The following EPB41L4B variants were observed in gnomAD, a reference collection of about 807,000 sequenced individuals.
The protein encoded by EPB41L4B is band 4.1-like protein 4B.
Under a neutral mutation model 112.5 loss-of-function variants are expected in EPB41L4B, and 30 were observed. The observed-to-expected ratio is 0.27, with a 90% CI of 0.20 to 0.36. The LOEUF (loss-of-function observed/expected upper bound fraction) is 0.36, where lower values mean the gene tolerates loss of function less well. Ranked by LOEUF, EPB41L4B falls within the 10% of genes least tolerant of loss-of-function variation. EPB41L4B has a pLI of 1.00. For missense variants in EPB41L4B, 1,024 were observed against 1,133.3 expected, an observed-to-expected ratio of 0.90 and a Z score of 1.38; for synonymous variants, 408 against 439.7, an observed-to-expected ratio of 0.93 and a Z score of 0.90.
intron 1 of EPB41L4B, among the ~76,000 whole-genome samples, chr9:109,314,977 C>T (rs1417543570): frequency 6.6e-6 from 1 of 152,166 alleles, no homozygotes; most frequent in Non-Finnish European, 1.5e-5. Context: ...ACACACTCAC[C>T]CAACTCCACC....
intron 22 of EPB41L4B, among the ~76,000 whole-genome samples, chr9:109,189,704 C>G (rs1832395211): frequency 6.6e-6 from 1 of 152,168 alleles, no homozygotes; most frequent in Admixed American, 6.5e-5. Context: ...TCTCGGCTCA[C>G]TGCAACCTCT....
In EPB41L4B at chr9:109,320,488, G is replaced by GC; in HGVS notation, c.-43dup. ...CCCTGCCTCCGCCCCCTGCGCTGCC[G>GC]CTGCCGCTGCCGCTGCCGCTGCGCC... is the stretch of plus-strand genomic sequence containing the variant. On this transcript the variant is annotated 5_prime_UTR_variant, in exon 1 of 26. Transcript: ENST00000374566. 2.6e-6 allele frequency: 2 copies of GC among 779,900 alleles called. No individual in the cohort carries two copies. The highest frequency in any genetic ancestry group is 3.1e-6 in the Non-Finnish European group (2 of 645,704). 48.3% of individuals were successfully genotyped at this position (779,900 alleles called of 1,614,324 possible).
In EPB41L4B at chr9:109,253,995, T is replaced by C. The variant is rs559083677; in HGVS notation, c.1170-445A>G. Among the ~76,000 whole-genome samples, 7 of 152,354 alleles carry C rather than the reference T, an allele frequency of 4.6e-5. No homozygotes were observed. The South Asian group carries it at 1.2e-3, about 27-fold the overall frequency. On this transcript the variant is annotated intron_variant, in intron 11 of 25. Coordinates refer to ENST00000374566, the MANE Select transcript of EPB41L4B (RefSeq NM_019114.5). ...ACATTACTGATTTCACTAAGGCTTTTTGGGTTTCAACCAACGTGACACCCG... is the reference window on the plus strand; with the variant it reads ...ACATTACTGATTTCACTAAGGCTTTCTGGGTTTCAACCAACGTGACACCCG...
At chr9:109,256,722 C>T (rs1423620372) in intron 7 of EPB41L4B, among the ~76,000 whole-genome samples, 1 of 152,252 alleles carries the variant, frequency 6.6e-6, no homozygotes, top group Non-Finnish European at 1.5e-5. Flanking sequence ...GTTGGTGGAT[C>T]ACTTGAGGTC....
intron 17 of EPB41L4B, among the ~76,000 whole-genome samples, chr9:109,209,644 C>T (rs1250093753): frequency 8.3e-6 from 1 of 119,790 alleles, no homozygotes; most frequent in East Asian, 3.0e-4. Context: ...AAAACCCTGT[C>T]TCAAAAAAAA....
Position 109,176,586 on chromosome 9 carries a change from A to T in EPB41L4B, c.2598T>A (p.Ile866=). Residue 866 remains isoleucine (I), a synonymous_variant, in exon 25 of 26, where the codon ATT becomes ATA. Transcript: ENST00000374566. ...GAGAAACAGGTTTCCGGGTGGTGTA[A>T]ATGGTCTGCACTGTGGAGACGGTCT... ...LTETVSTVQT[I]YTTRKPVSLA... is the part of the protein sequence containing the mutation. 6.2e-7 allele frequency: 1 copy of T among 1,611,934 alleles called. No individual in the cohort carries two copies. Among genetic ancestry groups the T allele is most frequent in the Non-Finnish European group, 8.5e-7 (1 of 1,179,012 alleles).
chr9:109,223,261 C>A (rs146333876), intron 15 of EPB41L4B, among the ~76,000 whole-genome samples: 1 of 151,946 alleles, frequency 6.6e-6, no homozygotes, highest in East Asian at 2.0e-4. Flanking sequence ...ATGGGGTGAT[C>A]CCATTTCCAC....
At position 109,276,162 on chromosome 9, in the gene EPB41L4B, C is replaced by T. The variant is rs1478397523; in HGVS notation, c.411+3655G>A. Among the ~76,000 whole-genome samples the T allele has an allele frequency of 2.5e-3, 3 of 1,204 alleles. No homozygotes were observed. The South Asian group carries it at 0.079, about 32-fold the overall frequency. The allele number at this position is 1,204 out of a possible 152,430, so 0.8% of individuals were successfully genotyped here. A position where few individuals can be genotyped will look rare whatever the true frequency, so the allele number is the denominator to read the frequency against. On this transcript the variant is annotated intron_variant, in intron 2 of 25. Coordinates refer to ENST00000374566, the MANE Select transcript of EPB41L4B (RefSeq NM_019114.5). The stretch of plus-strand genomic sequence containing the variant: ...ATATATACGTGTGTGTATACACACA[C>T]ACACACACACACACACACACACACA...
chr9:109,298,276 C>G (rs1460461486), intron 1 of EPB41L4B, among the ~76,000 whole-genome samples: 1 of 151,764 alleles, frequency 6.6e-6, no homozygotes, highest in Non-Finnish European at 1.5e-5. Context: ...CCTTTCCTTA[C>G]CCATTCACTA....
chr9:109,192,448 C>T (rs1025501084), intron 21 of EPB41L4B, 93 bp from the exon 22 acceptor site: 2 of 833,548 alleles, frequency 2.4e-6, no homozygotes, highest in East Asian at 5.1e-5. Flanking sequence ...CCAGCCTCTC[C>T]TCTACACTGA....
intron 6 of EPB41L4B, among the ~76,000 whole-genome samples, chr9:109,261,990 T>C (rs1039937000): frequency 3.9e-5 from 6 of 152,206 alleles, no homozygotes; most frequent in African/African-American, 1.4e-4. Context: ...CTATCTGATG[T>C]ACTAATGAAA....
intron 4 of EPB41L4B, among the ~76,000 whole-genome samples, chr9:109,267,133 T>G (rs1030145067): frequency 6.6e-6 from 1 of 152,230 alleles, no homozygotes; most frequent in African/African-American, 2.4e-5. Context: ...AGATGGCGAT[T>G]AAGGACTGAG....
At chr9:109,190,202 G>A (rs543488335) in intron 22 of EPB41L4B, among the ~76,000 whole-genome samples, 1 of 152,330 alleles carries the variant, frequency 6.6e-6, no homozygotes, top group African/African-American at 2.4e-5. Flanking sequence ...GACCAGGATA[G>A]TGGTGGGGCC....
chr9:109,270,032 G>A (rs2119092810), intron 2 of EPB41L4B, among the ~76,000 whole-genome samples: 1 of 152,324 alleles, frequency 6.6e-6, no homozygotes, highest in Non-Finnish European at 1.5e-5. Flanking sequence ...GCCATGTAAT[G>A]TCACCGCAGC....
chr9:109,226,698 A>AG (rs201325007), intron 15 of EPB41L4B, among the ~76,000 whole-genome samples: 30 of 136,594 alleles, frequency 2.2e-4, no homozygotes, highest in Non-Finnish European at 3.1e-4. Context: ...ATATATATGA[A>AG]TATATATATG....
At chr9:109,314,322 A>C (rs10123945) in intron 1 of EPB41L4B, among the ~76,000 whole-genome samples, 4 of 152,088 alleles carry the variant, frequency 2.6e-5, no homozygotes, top group Non-Finnish European at 5.9e-5. Flanking sequence ...GGAAGGCCCC[A>C]CCCCCATCGA....
At chr9:109,249,014 G>T (rs1335313324) in intron 13 of EPB41L4B, among the ~76,000 whole-genome samples, 2 of 149,530 alleles carry the variant, frequency 1.3e-5, no homozygotes, top group African/African-American at 4.9e-5. Context: ...AGCCGAGACT[G>T]CGCCACTGCA....
In EPB41L4B at chr9:109,255,676, C is replaced by T. The variant is rs372056217; in HGVS notation, c.1004G>A (p.Arg335His). The change falls in exon 11 of 26, where the codon CGT (arginine) becomes CAT (histidine). Residue 335 changes from arginine to histidine, a missense_variant. Transcript: ENST00000374566. ...LVVVEDDDQG[R>H]EQEHTFVFRL... ...GAACACAAACGTGTGCTCTTGCTCACGTCCCTTAAAGAGGAAGCACAAGGG... is the reference window on the plus strand; with the variant it reads ...GAACACAAACGTGTGCTCTTGCTCATGTCCCTTAAAGAGGAAGCACAAGGG... 18 of 1,612,324 alleles carry T rather than the reference C, an allele frequency of 1.1e-5. No homozygotes were observed. The highest frequency in any genetic ancestry group is 5.3e-5 in the African/African-American group (4 of 74,886).
chr9:109,298,257 A>C (rs1446625785), intron 1 of EPB41L4B, among the ~76,000 whole-genome samples: 1 of 152,220 alleles, frequency 6.6e-6, no homozygotes, highest in African/African-American at 2.4e-5. Context: ...TCACCACACA[A>C]AAAGTTAGCC....
Sources: allele counts gnomAD v4.1 joint callset (sites outside exome capture counted in the v4.1 genomes callset), GRCh38; gene constraint gnomAD v4.1.1; transcripts MANE v1.5; gene names NCBI Gene and HGNC (gene_info 2026-07-23, HGNC 2026-07-21).